The following CDH17 variants were observed in gnomAD, a reference collection of about 807,000 sequenced individuals.
CDH17 encodes the protein cadherin-17.
CDH17 carries 67 observed loss-of-function variants against 86.3 expected under a neutral mutation model. That is an observed-to-expected ratio of 0.78 (90% CI 0.64 to 0.95). The LOEUF is 0.95. Ranked by LOEUF, CDH17 falls within the 40% of genes least tolerant of loss-of-function variation. The pLI, the probability that CDH17 is intolerant of heterozygous loss-of-function variation, is 0.00. For synonymous variants in CDH17, 367 were observed against 366.4 expected (o/e 1.00, Z -0.02); for missense variants, 993 against 1,017.6 (o/e 0.98, Z 0.33).
At chr8:94,131,015 T>A (rs993885654) in intron 15 of CDH17, 23 bp from the exon 16 acceptor site, 4 of 1,217,132 alleles carry the variant, frequency 3.3e-6, no homozygotes, top group Non-Finnish European at 4.8e-6. Flanking sequence ...GAAAAAAAAA[T>A]GAAAATACAA....
chr8:94,137,720 C>T (rs2513802), intron 15 of CDH17, among the ~76,000 whole-genome samples: 58,874 of 152,040 alleles, frequency 0.39, 11,795 homozygotes, highest in South Asian at 0.54. Context: ...ACCTAACTAA[C>T]TTAACAATGT....
At chr8:94,201,550 A>T (rs1813912564) in intron 1 of CDH17, among the ~76,000 whole-genome samples, 1 of 152,178 alleles carries the variant, frequency 6.6e-6, no homozygotes, top group Non-Finnish European at 1.5e-5. Flanking sequence ...TGCACAGAAG[A>T]TCCTTCCTTC....
At chr8:94,180,112 A>G (rs1317542049) in intron 3 of CDH17, among the ~76,000 whole-genome samples, 2 of 152,134 alleles carry the variant, frequency 1.3e-5, no homozygotes, top group Non-Finnish European at 2.9e-5. Flanking sequence ...GAAATTTTTA[A>G]AATAGAAATT....
intron 3 of CDH17, 136 bp downstream of exon 3, chr8:94,189,051 T>G (rs771526806): frequency 5.9e-6 from 4 of 683,126 alleles, no homozygotes; most frequent in African/African-American, 5.5e-5. Flanking sequence ...CTGTTTAACT[T>G]AGCTTCTGAA....
rs781417113 is a variant in CDH17 at position 94,174,246 on chromosome 8, A to G, written c.439T>C (p.Tyr147His). Reference sequence around the variant, plus strand: ...TCATCCAGGTCTGTGGCATTGACATACAAGAAGGGCTTTCCTGTTTAACAA... The same window carrying G: ...TCATCCAGGTCTGTGGCATTGACATGCAAGAAGGGCTTTCCTGTTTAACAA... ...QNSRPGKPFL[Y>H]VNATDLDDPA... Residue 147 changes from tyrosine (Y) to histidine (H), a missense_variant, in exon 6 of 18, where the codon TAT (tyrosine) becomes CAT (histidine). Tyr to His is a moderately conservative substitution (Grantham distance 83). Transcript: ENST00000027335. 2.5e-6 allele frequency: 4 copies of G among 1,610,582 alleles called. No homozygotes were observed. Among genetic ancestry groups the G allele is most frequent in the Non-Finnish European group, 3.4e-6 (4 of 1,178,802 alleles).
chr8:94,173,533 C>T (rs1306018835), intron 7 of CDH17, among the ~76,000 whole-genome samples: 2 of 152,214 alleles, frequency 1.3e-5, no homozygotes, highest in African/African-American at 4.8e-5. Context: ...ACCAATTAAA[C>T]TTTTCTTTAC....
Position 94,139,044 on chromosome 8 carries a change from A to G in CDH17, c.2167+6884T>C, listed in dbSNP as rs575131357. Among the ~76,000 whole-genome samples, 3 of 152,350 alleles carry G rather than the reference A, an allele frequency of 2.0e-5. No homozygotes were observed. In the South Asian group the frequency reaches 6.2e-4, roughly 32 times the overall value. The stretch of plus-strand genomic sequence containing the variant: ...AAGATCAATTGACGCCTACCCAGAA[A>G]TTATACATATTACATAAATAGTGGG... On this transcript the variant is annotated intron_variant, in intron 15 of 17. Coordinates refer to ENST00000027335, the MANE Select transcript of CDH17 (RefSeq NM_004063.4).
At chr8:94,140,832 A>G (rs1009621675) in intron 15 of CDH17, among the ~76,000 whole-genome samples, 1 of 152,206 alleles carries the variant, frequency 6.6e-6, no homozygotes, top group Non-Finnish European at 1.5e-5. Context: ...AAAGAAATAT[A>G]TAAATTGAAT....
chr8:94,176,519 A>T, intron 5 of CDH17, 22 bp downstream of exon 5: 1 of 1,612,192 alleles, frequency 6.2e-7, no homozygotes, highest in Non-Finnish European at 8.5e-7. Flanking sequence ...TTCCATAAAT[A>T]TCTCTGGCCC....
chr8:94,142,480 G>T (rs962151000), intron 15 of CDH17, among the ~76,000 whole-genome samples: 3 of 152,182 alleles, frequency 2.0e-5, no homozygotes, highest in Admixed American at 6.5e-5. Context: ...GGCTGGGATG[G>T]CTGTGGCAAT....
chr8:94,206,422 G>C (rs1165705007), intron 1 of CDH17, among the ~76,000 whole-genome samples: 1 of 152,158 alleles, frequency 6.6e-6, no homozygotes, highest in Non-Finnish European at 1.5e-5. Flanking sequence ...GCAATTTTAT[G>C]TCAAATCTAT....
intron 1 of CDH17, among the ~76,000 whole-genome samples, chr8:94,205,062 A>ACTAGC (rs754016027): frequency 3.3e-5 from 5 of 152,226 alleles, no homozygotes; most frequent in Non-Finnish European, 7.3e-5. Context: ...ATAATGGAAC[A>ACTAGC]CTAGGCATAA....
Position 94,130,864 on chromosome 8 carries a change from C to T in CDH17, c.2284+12G>A. 6.4e-7 allele frequency: 1 copy of T among 1,569,964 alleles called. No homozygotes were observed. On this transcript the variant is annotated intron_variant, in intron 16 of 17. Transcript: ENST00000027335. ...AGATACTAGCCTGAGTTGCCTATAG[C>T]AGAATATCTACCTGGTAAAGAAACA...
chr8:94,174,104 T>A lies in CDH17; in HGVS notation c.581A>T (p.Glu194Val). Reference protein sequence around the residue: ...NKTGAISLTREGSQELNPAKN... With the variant: ...NKTGAISLTRVGSQELNPAKN... ...TACCAGGGCACCCCTGAACTTACCCTCTCGGGTAAGAGAGATGGCTCCCGT... is the reference window on the plus strand; with the variant it reads ...TACCAGGGCACCCCTGAACTTACCCACTCGGGTAAGAGAGATGGCTCCCGT... The change falls in exon 6 of 18, where the codon GAG becomes GTG. Residue 194 changes from glutamate (E) to valine (V), a missense_variant and splice_region_variant. Transcript: ENST00000027335. 1 of 1,612,524 alleles carries A rather than the reference T, an allele frequency of 6.2e-7. No individual in the cohort carries two copies. Among genetic ancestry groups the A allele is most frequent in the Non-Finnish European group, 8.5e-7 (1 of 1,178,716 alleles).
At chr8:94,139,357 G>A (rs763365819) in intron 15 of CDH17, among the ~76,000 whole-genome samples, 6 of 152,102 alleles carry the variant, frequency 3.9e-5, no homozygotes, top group South Asian at 2.1e-4. Flanking sequence ...ATGTGTAATC[G>A]AATTCCTGAA....
rs1812342547 is a variant in CDH17, at chr8:94,128,358, G to A, written c.2399-18C>T. 6 of 1,491,388 alleles carry A rather than the reference G, an allele frequency of 4.0e-6. No individual in the cohort carries two copies. Among genetic ancestry groups the A allele is most frequent in the Non-Finnish European group, 1.9e-6 (2 of 1,072,330 alleles). 92.4% of individuals were successfully genotyped at this position (1,491,388 alleles called of 1,614,324 possible). On this transcript the variant is annotated intron_variant, in intron 17 of 17. Coordinates refer to ENST00000027335, the MANE Select transcript of CDH17 (RefSeq NM_004063.4). ...AATTATACCTAAAAGAAAAAACCCA[G>A]GGTCAAATAAATGGGACCTTTTAAA...
intron 3 of CDH17, among the ~76,000 whole-genome samples, chr8:94,181,603 A>G (rs1281830765): frequency 6.6e-6 from 1 of 152,114 alleles, no homozygotes; most frequent in African/African-American, 2.4e-5. Context: ...AATGAAACAC[A>G]GCATGCCAAA....
intron 12 of CDH17, 47 bp downstream of exon 12, chr8:94,159,924 T>C: frequency 6.8e-7 from 1 of 1,469,446 alleles, no homozygotes; most frequent in Middle Eastern, 2.0e-4. Flanking sequence ...ATTAGTAAAT[T>C]AACCCACAAA....
chr8:94,159,234 C>T (rs1813002646), intron 12 of CDH17, among the ~76,000 whole-genome samples: 1 of 152,054 alleles, frequency 6.6e-6, no homozygotes, highest in African/African-American at 2.4e-5. Flanking sequence ...TGGGAGAATC[C>T]TGTACAAAGA....
Sources: gnomAD v4.1 joint callset for allele counts (sites outside exome capture counted in the v4.1 genomes callset) on GRCh38, gnomAD v4.1.1 for gene constraint, MANE v1.5 for transcripts, NCBI Gene and HGNC (gene_info 2026-07-23, HGNC 2026-07-21) for gene names.